RAI1: variants seen among roughly 807,000 people sequenced by gnomAD.
The protein encoded by RAI1 is retinoic acid induced 1, also known as retinoic acid-induced protein 1.
RAI1 carries 9 observed loss-of-function variants against 123.8 expected under a neutral mutation model. The observed-to-expected ratio is 0.07, with a 90% CI of 0.04 to 0.13. The LOEUF is 0.13. Among genes scored for constraint, RAI1 ranks in the 10% least tolerant of loss-of-function variants. The pLI is 1.00. For missense variants in RAI1, 2,256 were observed against 2,545.8 expected, an observed-to-expected ratio of 0.89 and a Z score of 2.45; for synonymous variants, 1,231 against 1,127.3, an observed-to-expected ratio of 1.09 and a Z score of -1.84.
chr17:17,788,465 A>G (rs780350269), intron 2 of RAI1, among the ~76,000 whole-genome samples: 3 of 151,980 alleles, frequency 2.0e-5, no homozygotes, highest in Non-Finnish European at 2.9e-5. Flanking sequence ...ATCACCCACA[A>G]CAGATGGGGA....
Position 17,794,193 on chromosome 17 carries a change from G to C in RAI1, c.1245G>C (p.Lys415Asn). Residue 415 changes from lysine to asparagine, a missense_variant, in exon 3 of 6, where the codon AAG (lysine) becomes AAC (asparagine). Physicochemically the swap from Lys to Asn is moderately conservative, Grantham distance 94 (BLOSUM62 0). Around this residue, in one of 7 missense-constraint regions of RAI1, gnomAD observed 357 missense variants for 480.2 expected, o/e 0.74. Transcript: ENST00000353383. ...TGGACACCCAGGCTGGCAACTGCAA[G>C]CCCCTTCAGAAGGACAAGCTCCCTG... ...SSVDTQAGNC[K>N]PLQKDKLPEN... 1 of 1,613,726 alleles carries C rather than the reference G, an allele frequency of 6.2e-7. No homozygotes were observed. The highest frequency in any genetic ancestry group is 8.5e-7 in the Non-Finnish European group (1 of 1,180,052).
intron 4 of RAI1, among the ~76,000 whole-genome samples, chr17:17,805,876 T>A (rs1239041033): frequency 6.6e-6 from 1 of 151,972 alleles, no homozygotes; most frequent in East Asian, 2.0e-4. Context: ...AGTGATTAAC[T>A]TAGCGCCCGC....
At chr17:17,752,449 G>C (rs536005115) in intron 2 of RAI1, among the ~76,000 whole-genome samples, 1 of 152,274 alleles carries the variant, frequency 6.6e-6, no homozygotes, top group East Asian at 1.9e-4. Flanking sequence ...GCGCGGCCGC[G>C]CGCGGCTGGA....
chr17:17,688,434 A>G lies in RAI1; in HGVS notation c.-149+6641A>G, dbSNP rs142175193. On this transcript the variant is annotated intron_variant, in intron 1 of 5. Coordinates refer to ENST00000353383, the MANE Select transcript of RAI1 (RefSeq NM_030665.4). ...CGGGGGGTGGAAGTTGGAATGAGCC[A>G]AGATCGTGCCTCTGCACTCCAGCCT... 9.3e-4 allele frequency among the ~76,000 whole-genome samples: 141 copies of G among 152,162 alleles called. 1 individual carries two copies. The highest frequency in any genetic ancestry group is 3.4e-3 in the Middle Eastern group (1 of 294).
At chr17:17,682,813 C>T (rs1197484053) in intron 1 of RAI1, among the ~76,000 whole-genome samples, 2 of 152,158 alleles carry the variant, frequency 1.3e-5, no homozygotes, top group Non-Finnish European at 2.9e-5. Context: ...GGAGTGCGGG[C>T]TGCCGCGGTG....
intron 1 of RAI1, among the ~76,000 whole-genome samples, chr17:17,713,724 ATTTTGT>A (rs1915632664): frequency 6.6e-6 from 1 of 152,172 alleles, no homozygotes; most frequent in Admixed American, 6.5e-5. Flanking sequence ...GGGATTCTGG[ATTTTGT>A]TTGTTTTCTG....
chr17:17,724,888 C>T (rs1304199603), intron 2 of RAI1, among the ~76,000 whole-genome samples: 1 of 152,166 alleles, frequency 6.6e-6, no homozygotes, highest in Non-Finnish European at 1.5e-5. Context: ...CCCTGGAGAC[C>T]CCTCCCCACT....
chr17:17,723,551 C>A (rs940462505), intron 1 of RAI1, among the ~76,000 whole-genome samples: 1 of 151,012 alleles, frequency 6.6e-6, no homozygotes, highest in East Asian at 2.0e-4. Flanking sequence ...TCACACCCCC[C>A]GTCCCTAAGC....
At chr17:17,722,260 G>A (rs1012559158) in intron 1 of RAI1, among the ~76,000 whole-genome samples, 2 of 152,190 alleles carry the variant, frequency 1.3e-5, no homozygotes, top group African/African-American at 2.4e-5. Flanking sequence ...TGCAGCGACG[G>A]ATGGATGGAT....
intron 2 of RAI1, chr17:17,779,070 C>G (rs1471434826): frequency 2.7e-6 from 1 of 364,538 alleles, no homozygotes; most frequent in Non-Finnish European, 5.5e-6. Flanking sequence ...TCTTAAACAC[C>G]TTCGCATTTC....
At chr17:17,783,592 C>G (rs1488047716) in intron 2 of RAI1, among the ~76,000 whole-genome samples, 1 of 152,200 alleles carries the variant, frequency 6.6e-6, no homozygotes, top group Non-Finnish European at 1.5e-5. Context: ...CCCCGTCCCC[C>G]TCTGCCCCAG....
Position 17,811,450 on chromosome 17 carries a change from A to G in RAI1, c.*1469A>G, listed in dbSNP as rs1333357985. On this transcript the variant is annotated 3_prime_UTR_variant, in exon 6 of 6. Coordinates refer to ENST00000353383, the MANE Select transcript of RAI1 (RefSeq NM_030665.4). ...AATAAAGATACAACGATTGTTTTGGAAAATCTGCAGCCCGTGGATTCCGAC... is the reference window on the plus strand; with the variant it reads ...AATAAAGATACAACGATTGTTTTGGGAAATCTGCAGCCCGTGGATTCCGAC... 1 of 227,300 alleles carries G rather than the reference A, an allele frequency of 4.4e-6. No individual in the cohort carries two copies. Among genetic ancestry groups the G allele is most frequent in the Non-Finnish European group, 8.8e-6 (1 of 113,360 alleles). 14.1% of individuals were successfully genotyped at this position (227,300 alleles called of 1,614,324 possible).
chr17:17,700,572 C>G (rs1915186921), intron 1 of RAI1, among the ~76,000 whole-genome samples: 1 of 152,136 alleles, frequency 6.6e-6, no homozygotes, highest in East Asian at 1.9e-4. Flanking sequence ...GCCGCGGAAG[C>G]AGCTGCGCGC....
chr17:17,686,480 GGGGAGGCAGGGT>G (rs147611466), intron 1 of RAI1, among the ~76,000 whole-genome samples: 7,541 of 151,956 alleles, frequency 0.05, 308 homozygotes, highest in African/African-American at 0.095. Flanking sequence ...CACCAGGGAA[GGGGAGGCAGGGT>G]GGGAGGCAGG....
At chr17:17,727,029 T>C (rs1916114949) in intron 2 of RAI1, among the ~76,000 whole-genome samples, 1 of 152,358 alleles carries the variant, frequency 6.6e-6, no homozygotes, top group East Asian at 1.9e-4. Context: ...TTCTGGATGT[T>C]CCTGATGAAT....
intron 2 of RAI1, among the ~76,000 whole-genome samples, chr17:17,756,087 G>T (rs1453382879): frequency 6.6e-6 from 1 of 152,236 alleles, no homozygotes; most frequent in Admixed American, 6.5e-5. Flanking sequence ...GGCCTGTTGG[G>T]ACTGCCTGTG....
intron 2 of RAI1, among the ~76,000 whole-genome samples, chr17:17,744,180 C>T (rs902004332): frequency 6.6e-6 from 1 of 152,188 alleles, no homozygotes; most frequent in Non-Finnish European, 1.5e-5. Flanking sequence ...AGTATCACCC[C>T]TCTTCGTCAT....
chr17:17,754,265 C>T (rs901316576), intron 2 of RAI1, among the ~76,000 whole-genome samples: 9 of 130,966 alleles, frequency 6.9e-5, no homozygotes, highest in Non-Finnish European at 1.1e-4. Flanking sequence ...AGTGCAATGG[C>T]GCGATCTCGG....
chr17:17,700,422 C>A (rs1438669062), intron 1 of RAI1, among the ~76,000 whole-genome samples: 1 of 151,776 alleles, frequency 6.6e-6, no homozygotes, highest in Admixed American at 6.6e-5. Context: ...CCCGCCGCCC[C>A]TCGGCGTTCG....
Sources: allele counts gnomAD v4.1 joint callset (sites outside exome capture counted in the v4.1 genomes callset), GRCh38; gene constraint gnomAD v4.1.1; regional missense constraint gnomAD v4.1.1; transcripts MANE v1.5; gene names NCBI Gene and HGNC (gene_info 2026-07-23, HGNC 2026-07-21).